GALNT10: variants seen among roughly 807,000 people sequenced by gnomAD.
GALNT10 encodes GalNAc transferase 10.
A neutral mutation model predicts 75.0 loss-of-function variants in GALNT10; 41 were observed. That is an observed-to-expected ratio of 0.55 (90% CI 0.43 to 0.71). The LOEUF (loss-of-function observed/expected upper bound fraction) is 0.71. Ranked by LOEUF, GALNT10 falls within the 30% of genes least tolerant of loss-of-function variation. The probability of loss-of-function intolerance (pLI) is 0.00; values close to 1 mark genes in which losing one functional copy is unlikely to be tolerated. For missense variants in GALNT10, 727 were observed against 818.5 expected (o/e 0.89, Z 1.36); for synonymous variants, 302 against 313.0 (o/e 0.96, Z 0.37).
chr5:154,345,802 ATTTTT>A (rs35697160), intron 4 of GALNT10, among the ~76,000 whole-genome samples: 1 of 139,774 alleles, frequency 7.2e-6, no homozygotes, highest in African/African-American at 2.7e-5. Flanking sequence ...CACCCGGCGA[ATTTTT>A]TTTTTTTTTG....
At position 154,386,254 on chromosome 5, in the gene GALNT10, C is replaced by T. The variant is rs1260173325; in HGVS notation, c.939-59C>T. On this transcript the variant is annotated intron_variant, in intron 6 of 11. Transcript: ENST00000297107. ...CTGGGGGAATGGCATTATCGGGCCACATGAGAGCATGTGGCCAGGACATCT... is the reference window on the plus strand; with the variant it reads ...CTGGGGGAATGGCATTATCGGGCCATATGAGAGCATGTGGCCAGGACATCT... The T allele has an allele frequency of 8.1e-6, 10 of 1,228,014 alleles. No individual in the cohort carries two copies. The Admixed American group carries it at 1.4e-4, about 18-fold the overall frequency. The allele number at this position is 1,228,014 out of a possible 1,614,324, so 76.1% of individuals were successfully genotyped here.
chr5:154,268,874 C>T (rs751520239), intron 1 of GALNT10, among the ~76,000 whole-genome samples: 7 of 152,146 alleles, frequency 4.6e-5, no homozygotes, highest in Non-Finnish European at 1.0e-4. Context: ...CAGTGGCTCA[C>T]GCCTGTAATC....
intron 1 of GALNT10, among the ~76,000 whole-genome samples, chr5:154,241,368 T>C (rs1485840997): frequency 6.6e-6 from 1 of 152,180 alleles, no homozygotes; most frequent in African/African-American, 2.4e-5. Flanking sequence ...ATAATCTCAT[T>C]ATAGAAAGTT....
chr5:154,221,224 C>T (rs769186054), intron 1 of GALNT10, among the ~76,000 whole-genome samples: 9 of 152,200 alleles, frequency 5.9e-5, no homozygotes, highest in Non-Finnish European at 1.3e-4. Flanking sequence ...AATCAGGGTA[C>T]GTGGGTGAAT....
In GALNT10 at chr5:154,337,795, C is replaced by T. The variant is rs1754967516; in HGVS notation, c.568+8057C>T. ...CATCCATGACCAAAGTTGTCATTCC[C>T]ACTAAAACCACCTCCACAACCACCA... On this transcript the variant is annotated intron_variant, in intron 4 of 11. Coordinates refer to ENST00000297107, the MANE Select transcript of GALNT10 (RefSeq NM_198321.4). 2.9e-5 allele frequency: 29 copies of T among 1,015,882 alleles called. 1 individual carries two copies. The South Asian group carries it at 3.5e-4, about 12-fold the overall frequency. The allele number at this position is 1,015,882 out of a possible 1,614,324, so 62.9% of individuals were successfully genotyped here.
At chr5:154,395,200 A>G (rs76376932) in intron 7 of GALNT10, among the ~76,000 whole-genome samples, 2 of 152,222 alleles carry the variant, frequency 1.3e-5, no homozygotes, top group African/African-American at 2.4e-5. Context: ...TGATATGTAT[A>G]TTTGGCCTAG....
At chr5:154,196,977 G>T (rs1253730841) in intron 1 of GALNT10, among the ~76,000 whole-genome samples, 1 of 152,152 alleles carries the variant, frequency 6.6e-6, no homozygotes, top group East Asian at 1.9e-4. Context: ...ACTCCTTGGG[G>T]ATGAGATTTG....
intron 1 of GALNT10, among the ~76,000 whole-genome samples, chr5:154,251,600 T>C (rs6580065): frequency 0.63 from 96,321 of 152,032 alleles, 31,147 homozygotes; most frequent in East Asian, 0.86. Flanking sequence ...TTCTGGTATT[T>C]TATCATTTCT....
chr5:154,237,500 G>A (rs944951761), intron 1 of GALNT10, among the ~76,000 whole-genome samples: 5 of 152,180 alleles, frequency 3.3e-5, no homozygotes, highest in African/African-American at 1.2e-4. Flanking sequence ...AAGAGTCTGA[G>A]GTGAGGATGC....
At chr5:154,329,402 T>C (rs1267948259) in intron 3 of GALNT10, 170 bp from the exon 4 acceptor site, 49 of 609,484 alleles carry the variant, frequency 8.0e-5, no homozygotes, top group South Asian at 6.7e-4. Context: ...GGTAGGACTT[T>C]GGGATGTCAT....
chr5:154,250,069 T>C (rs1037366748), intron 1 of GALNT10, among the ~76,000 whole-genome samples: 4 of 152,218 alleles, frequency 2.6e-5, no homozygotes, highest in African/African-American at 7.2e-5. Context: ...TATTTCCTTT[T>C]CATTTTTCTC....
intron 1 of GALNT10, among the ~76,000 whole-genome samples, chr5:154,250,578 A>C (rs1753501226): frequency 3.3e-5 from 5 of 152,158 alleles, no homozygotes; most frequent in Admixed American, 2.6e-4. Flanking sequence ...TGGCTGGTGC[A>C]GTTCCAGACA....
At chr5:154,294,645 C>G (rs764703274) in intron 1 of GALNT10, among the ~76,000 whole-genome samples, 171 bp from the exon 2 acceptor site, 1 of 152,150 alleles carries the variant, frequency 6.6e-6, no homozygotes, top group East Asian at 1.9e-4. Context: ...CCTTTGCAAA[C>G]CTAGCTGGCA....
chr5:154,248,521 T>C (rs1753467102), intron 1 of GALNT10, among the ~76,000 whole-genome samples: 1 of 152,256 alleles, frequency 6.6e-6, no homozygotes, highest in African/African-American at 2.4e-5. Flanking sequence ...ATTCAACTTC[T>C]TCCTGGTTTA....
Position 154,412,518 on chromosome 5 carries a change from C to G in GALNT10, c.1387-371C>G, listed in dbSNP as rs1296063877. The G allele has an allele frequency of 3.8e-6, 1 of 265,784 alleles. No homozygotes were observed. The highest frequency in any genetic ancestry group is 2.3e-5 in the African/African-American group (1 of 43,124). 16.5% of individuals were successfully genotyped at this position (265,784 alleles called of 1,614,324 possible). A position where few individuals can be genotyped will look rare whatever the true frequency, so the allele number is the denominator to read the frequency against. ...CGCTTTCAAGGTATGGTCCCTGGACCACCTGCACCTGAGTCACCTGGAATG... is the reference window on the plus strand; with the variant it reads ...CGCTTTCAAGGTATGGTCCCTGGACGACCTGCACCTGAGTCACCTGGAATG... On this transcript the variant is annotated intron_variant, in intron 9 of 11. Transcript: ENST00000297107. The surrounding 1 kb of genome is among the most constrained non-coding windows in gnomAD (Gnocchi z 4.2).
chr5:154,219,159 C>T (rs1005623654), intron 1 of GALNT10, among the ~76,000 whole-genome samples: 1 of 152,220 alleles, frequency 6.6e-6, no homozygotes, highest in Non-Finnish European at 1.5e-5. Flanking sequence ...CAATGTAGCT[C>T]ATCTACTCCC....
intron 1 of GALNT10, among the ~76,000 whole-genome samples, chr5:154,294,497 C>T (rs185919391): frequency 1.1e-4 from 16 of 152,340 alleles, no homozygotes; most frequent in Non-Finnish European, 1.6e-4. Context: ...ACACATGTGG[C>T]TCACGTTATA....
chr5:154,336,096 T>C (rs1304822534), intron 4 of GALNT10, among the ~76,000 whole-genome samples: 1 of 152,218 alleles, frequency 6.6e-6, no homozygotes, highest in Non-Finnish European at 1.5e-5. Flanking sequence ...TAAAACCTTT[T>C]CAGATTGGCT....
intron 1 of GALNT10, among the ~76,000 whole-genome samples, chr5:154,287,225 C>T (rs919562852): frequency 4.6e-5 from 7 of 152,342 alleles, no homozygotes; most frequent in Admixed American, 1.3e-4. Flanking sequence ...TGCCCACCTG[C>T]CAAGCAGCTC....
Sources: allele counts gnomAD v4.1 joint callset (sites outside exome capture counted in the v4.1 genomes callset), GRCh38; gene constraint gnomAD v4.1.1; non-coding constraint Gnocchi (gnomAD v3.1); transcripts MANE v1.5; gene names NCBI Gene and HGNC (gene_info 2026-07-23, HGNC 2026-07-21).